The following RBFOX1 variants were observed in gnomAD, a reference collection of about 807,000 sequenced individuals.
The protein encoded by RBFOX1 is RNA binding fox-1 homolog 1.
Under a neutral mutation model 57.7 loss-of-function variants are expected in RBFOX1, and 8 were observed. The ratio of observed to expected loss-of-function variants is 0.14; its 90% CI spans 0.08 to 0.25. The LOEUF (loss-of-function observed/expected upper bound fraction) is 0.25. RBFOX1 is among the 10% of genes least tolerant of loss of function. The pLI is 1.00. For missense variants in RBFOX1, 611 were observed against 548.5 expected (o/e 1.11, Z -1.14); for synonymous variants, 326 against 222.4 (o/e 1.47, Z -4.15).
At chr16:5,953,704 TTATA>T (rs369586168) in intron 4 of RBFOX1, among the ~76,000 whole-genome samples, 7,092 of 138,664 alleles carry the variant, frequency 0.051, 555 homozygotes, top group African/African-American at 0.19. Flanking sequence ...GTCTTCTGTC[TTATA>T]TATATATATA....
At chr16:7,009,407 G>T (rs1274947927) in intron 3 of RBFOX1, among the ~76,000 whole-genome samples, 3 of 151,668 alleles carry the variant, frequency 2.0e-5, no homozygotes, top group African/African-American at 7.3e-5. Flanking sequence ...TCGCCACTGT[G>T]ACAAATCCAC....
At chr16:7,295,389 C>G (rs1022692839) in intron 4 of RBFOX1, among the ~76,000 whole-genome samples, 23 of 152,092 alleles carry the variant, frequency 1.5e-4, no homozygotes, top group African/African-American at 5.6e-4. Flanking sequence ...GTTTCATCAA[C>G]TGGTCAGGGG....
chr16:5,317,219 C>G (rs532078789), intron 1 of RBFOX1, among the ~76,000 whole-genome samples: 1 of 152,180 alleles, frequency 6.6e-6, no homozygotes, highest in Non-Finnish European at 1.5e-5. Flanking sequence ...CTCTCAATCT[C>G]TCGATATATG....
intron 3 of RBFOX1, among the ~76,000 whole-genome samples, chr16:6,802,297 G>A (rs991759546): frequency 1.3e-4 from 20 of 152,086 alleles, no homozygotes; most frequent in African/African-American, 4.3e-4. Context: ...GACCTGATTT[G>A]CCACACAGGG....
chr16:5,544,305 C>T (rs557761945), intron 2 of RBFOX1, among the ~76,000 whole-genome samples: 6 of 152,156 alleles, frequency 3.9e-5, no homozygotes, highest in African/African-American at 1.4e-4. Flanking sequence ...TTTTTTGAAA[C>T]CAGCACATGT....
chr16:7,212,107 A>G (rs2091257591), intron 4 of RBFOX1, among the ~76,000 whole-genome samples: 1 of 152,070 alleles, frequency 6.6e-6, no homozygotes, highest in African/African-American at 2.4e-5. Context: ...GTCAAAAGAG[A>G]ATCATGCATG....
chr16:7,315,660 A>G (rs1221580283), intron 4 of RBFOX1, among the ~76,000 whole-genome samples: 1 of 152,140 alleles, frequency 6.6e-6, no homozygotes, highest in East Asian at 1.9e-4. Flanking sequence ...ATATATATAT[A>G]TATATATGGA....
intron 1 of RBFOX1, among the ~76,000 whole-genome samples, chr16:5,418,012 C>T (rs565002): frequency 0.14 from 21,551 of 152,002 alleles, 3,211 homozygotes; most frequent in African/African-American, 0.38. Flanking sequence ...ACCGAGGAGG[C>T]AGAGGTTGCA....
At chr16:6,131,904 C>G (rs1409443070) in intron 1 of RBFOX1, among the ~76,000 whole-genome samples, 1 of 152,148 alleles carries the variant, frequency 6.6e-6, no homozygotes, top group African/African-American at 2.4e-5. Flanking sequence ...AGGAAAAATT[C>G]ACAAAACACT....
chr16:6,453,538 A>T, intron 2 of RBFOX1, among the ~76,000 whole-genome samples: 1 of 152,124 alleles, frequency 6.6e-6, no homozygotes, highest in Non-Finnish European at 1.5e-5. Flanking sequence ...GGCAGTAATT[A>T]ATAGCCTACC....
At chr16:5,582,961 A>G (rs992204919) in intron 2 of RBFOX1, among the ~76,000 whole-genome samples, 1 of 152,202 alleles carries the variant, frequency 6.6e-6, no homozygotes, top group African/African-American at 2.4e-5. Flanking sequence ...GCCAGGCTCT[A>G]TTGTGAGACC....
At chr16:7,592,728 G>C (rs2094506548) in intron 7 of RBFOX1, among the ~76,000 whole-genome samples, 1 of 152,184 alleles carries the variant, frequency 6.6e-6, no homozygotes, top group Admixed American at 6.5e-5. Context: ...GCTTTTGGCT[G>C]TACCTCTACA....
At chr16:5,908,137 C>CATAT (rs1209168345) in intron 4 of RBFOX1, among the ~76,000 whole-genome samples, 4 of 131,062 alleles carry the variant, frequency 3.1e-5, no homozygotes, top group African/African-American at 1.5e-4. Flanking sequence ...TATATATACA[C>CATAT]ATATATACAC....
chr16:5,850,466 G>C (rs1216144464), intron 3 of RBFOX1, among the ~76,000 whole-genome samples: 3 of 152,188 alleles, frequency 2.0e-5, no homozygotes, highest in Non-Finnish European at 4.4e-5. Flanking sequence ...GTCATGAACT[G>C]TGCTAGGTTC....
At chr16:7,165,104 C>G (rs1601594574) in intron 4 of RBFOX1, among the ~76,000 whole-genome samples, 1 of 152,170 alleles carries the variant, frequency 6.6e-6, no homozygotes, top group Non-Finnish European at 1.5e-5. Context: ...AGGATGCAAT[C>G]CTGTCAGTAG....
At chr16:5,240,477 C>T (rs1337739093) in intron 1 of RBFOX1, among the ~76,000 whole-genome samples, 1 of 152,002 alleles carries the variant, frequency 6.6e-6, no homozygotes, top group African/African-American at 2.4e-5. Context: ...TCCCACCTGG[C>T]GGGGGGCTTA....
intron 3 of RBFOX1, among the ~76,000 whole-genome samples, chr16:5,813,457 A>G (rs1464095188): frequency 6.6e-6 from 1 of 152,202 alleles, no homozygotes; most frequent in East Asian, 1.9e-4. Context: ...CTATCTATAC[A>G]ATGGAATATG....
chr16:6,379,525 C>T (rs1228017653), intron 2 of RBFOX1, among the ~76,000 whole-genome samples: 3 of 151,884 alleles, frequency 2.0e-5, no homozygotes, highest in Non-Finnish European at 2.9e-5. Context: ...CTGAAAAAAA[C>T]TGAGTATGAG....
chr16:7,601,355 G>T (rs1012580519), intron 9 of RBFOX1, among the ~76,000 whole-genome samples: 2 of 152,136 alleles, frequency 1.3e-5, no homozygotes, highest in Non-Finnish European at 1.5e-5. Flanking sequence ...ATGCAAAGTG[G>T]CCTAAAAGAT....
Sources: allele counts gnomAD v4.1 joint callset (sites outside exome capture counted in the v4.1 genomes callset), GRCh38; gene constraint gnomAD v4.1.1; transcripts MANE v1.5; gene names NCBI Gene and HGNC (gene_info 2026-07-23, HGNC 2026-07-21).